The following SPIDR variants were observed in gnomAD, a reference collection of about 807,000 sequenced individuals.
SPIDR encodes the protein DNA repair-scaffolding protein.
A neutral mutation model predicts 104.6 loss-of-function variants in SPIDR; 93 were observed. The ratio of observed to expected loss-of-function variants is 0.89; its 90% CI spans 0.75 to 1.06. The LOEUF (loss-of-function observed/expected upper bound fraction) is 1.06, where lower values mean the gene tolerates loss of function less well. Ranked by LOEUF, SPIDR falls within the 50% of genes least tolerant of loss-of-function variation. The pLI, the probability that SPIDR is intolerant of heterozygous loss-of-function variation, is 0.00. For synonymous variants in SPIDR, 431 were observed against 416.9 expected (o/e 1.03, Z -0.41); for missense variants, 1,154 against 1,111.2 (o/e 1.04, Z -0.55).
rs557232867 is a variant in SPIDR at position 47,412,093 on chromosome 8, C to T, written c.877+4132C>T. Among the ~76,000 whole-genome samples the T allele has an allele frequency of 5.9e-5, 9 of 152,234 alleles. No homozygotes were observed. In the South Asian group the frequency reaches 1.5e-3, roughly 25 times the overall value. ...TAGTTTGAAGTCAGGTAGTGTGATG[C>T]CTCCAGCTTTGTTCTTTTGGCTTAG... On this transcript the variant is annotated intron_variant, in intron 7 of 19. Coordinates refer to ENST00000297423, the MANE Select transcript of SPIDR (RefSeq NM_001080394.4).
intron 8 of SPIDR, among the ~76,000 whole-genome samples, chr8:47,573,168 T>C (rs1448545939): frequency 6.6e-6 from 1 of 152,154 alleles, no homozygotes; most frequent in Admixed American, 6.5e-5. Flanking sequence ...AAGTTACGAG[T>C]GAAAAGTCCA....
At chr8:47,618,563 A>G (rs993460421) in intron 10 of SPIDR, among the ~76,000 whole-genome samples, 1 of 152,150 alleles carries the variant, frequency 6.6e-6, no homozygotes, top group Non-Finnish European at 1.5e-5. Context: ...GGAGATAAAC[A>G]ATTGTGTTAT....
chr8:47,560,754 A>T (rs918181397), intron 8 of SPIDR, among the ~76,000 whole-genome samples: 1 of 152,068 alleles, frequency 6.6e-6, no homozygotes, highest in Admixed American at 6.6e-5. Flanking sequence ...CTTCCTTTAT[A>T]TGGATCGTAG....
chr8:47,374,253 G>A (rs1023157799), intron 5 of SPIDR, among the ~76,000 whole-genome samples: 3 of 152,134 alleles, frequency 2.0e-5, no homozygotes, highest in African/African-American at 7.2e-5. Context: ...CAGGCATGGT[G>A]GCTCATGCCT....
chr8:47,531,754 A>G (rs1271434790), intron 8 of SPIDR, among the ~76,000 whole-genome samples: 1 of 152,228 alleles, frequency 6.6e-6, no homozygotes, highest in African/African-American at 2.4e-5. Flanking sequence ...CAACATTACT[A>G]GGCAGTAAGA....
At chr8:47,480,231 A>T (rs1181882261) in intron 8 of SPIDR, among the ~76,000 whole-genome samples, 1 of 152,202 alleles carries the variant, frequency 6.6e-6, no homozygotes, top group African/African-American at 2.4e-5. Flanking sequence ...GGCAAGATGG[A>T]TTTAATGTCT....
At chr8:47,580,915 T>C (rs1047946575) in intron 8 of SPIDR, among the ~76,000 whole-genome samples, 5 of 152,214 alleles carry the variant, frequency 3.3e-5, no homozygotes, top group African/African-American at 9.7e-5. Flanking sequence ...AGTTCAGTTT[T>C]TAGTTGTAGA....
intron 7 of SPIDR, among the ~76,000 whole-genome samples, chr8:47,408,963 A>C (rs896937554): frequency 9.2e-5 from 14 of 152,222 alleles, no homozygotes; most frequent in Non-Finnish European, 1.3e-4. Context: ...TGAGGCGGGC[A>C]GATCATGAGG....
chr8:47,319,120 A>T (rs2045990980), intron 5 of SPIDR, among the ~76,000 whole-genome samples: 2 of 152,204 alleles, frequency 1.3e-5, no homozygotes, highest in Non-Finnish European at 2.9e-5. Context: ...TAAATGGGCT[A>T]AATGCTCCAA....
Position 47,455,015 on chromosome 8 carries a change from C to G in SPIDR, c.1097+14473C>G, listed in dbSNP as rs533281960. On this transcript the variant is annotated intron_variant, in intron 8 of 19. Transcript: ENST00000297423. ...TCCTTCAGGCTGAAAGGAAGAAATA[C>G]TAAACAGCAATTTGAAGCCAAAAGA... Among the ~76,000 whole-genome samples, 20 of 152,056 alleles carry G rather than the reference C, an allele frequency of 1.3e-4. No individual in the cohort carries two copies. In the South Asian group the frequency reaches 2.5e-3, roughly 19 times the overall value.
chr8:47,313,604 A>C lies in SPIDR; in HGVS notation c.525+19574A>C, dbSNP rs186516243. 3.3e-3 allele frequency among the ~76,000 whole-genome samples: 498 copies of C among 152,342 alleles called. 1 individual carries two copies. The highest frequency in any genetic ancestry group is 5.5e-3 in the Non-Finnish European group (375 of 68,032). On this transcript the variant is annotated intron_variant, in intron 5 of 19. Coordinates refer to ENST00000297423, the MANE Select transcript of SPIDR (RefSeq NM_001080394.4). ...AACCAAAAAAGAGCCCGCATTGCCG[A>C]GTCAATCCTAAGCCAAAAGAACAAA...
chr8:47,717,625 C>T (rs951935481), intron 16 of SPIDR, among the ~76,000 whole-genome samples: 3 of 152,220 alleles, frequency 2.0e-5, no homozygotes, highest in East Asian at 1.9e-4. Context: ...CAGATGCAGC[C>T]TCATGTGACT....
At chr8:47,537,302 G>A (rs1439709286) in intron 8 of SPIDR, among the ~76,000 whole-genome samples, 1 of 152,126 alleles carries the variant, frequency 6.6e-6, no homozygotes, top group Non-Finnish European at 1.5e-5. Flanking sequence ...CAAAAACTTG[G>A]AAGTAACCGA....
At chr8:47,330,859 A>G (rs1278580999) in intron 5 of SPIDR, 6 of 455,760 alleles carry the variant, frequency 1.3e-5, no homozygotes, top group Non-Finnish European at 8.8e-6. Context: ...AACTCCTTTG[A>G]GTAGATACCA....
intron 10 of SPIDR, among the ~76,000 whole-genome samples, chr8:47,657,476 A>G (rs941631415): frequency 2.0e-5 from 3 of 152,176 alleles, no homozygotes. Flanking sequence ...GGAACTGTTC[A>G]GTATTTTGAC....
chr8:47,292,486 A>T (rs1268507802), intron 4 of SPIDR, among the ~76,000 whole-genome samples: 3 of 152,204 alleles, frequency 2.0e-5, no homozygotes, highest in Non-Finnish European at 4.4e-5. Context: ...AAAAATGGGT[A>T]AATAGTATGG....
chr8:47,640,082 A>G (rs950807408), intron 10 of SPIDR, among the ~76,000 whole-genome samples: 1 of 152,234 alleles, frequency 6.6e-6, no homozygotes, highest in African/African-American at 2.4e-5. Context: ...AGGGAACTGC[A>G]TGACCCCCAG....
intron 8 of SPIDR, among the ~76,000 whole-genome samples, chr8:47,541,903 C>G (rs890169973): frequency 6.6e-6 from 1 of 152,120 alleles, no homozygotes; most frequent in African/African-American, 2.4e-5. Context: ...TGCACTCCAG[C>G]TTGGGCGACA....
At chr8:47,614,734 C>T (rs1385380778) in intron 10 of SPIDR, among the ~76,000 whole-genome samples, 3 of 152,136 alleles carry the variant, frequency 2.0e-5, no homozygotes, top group Admixed American at 1.3e-4. Context: ...ATTGCTGAGT[C>T]AAATGGTATT....
Sources: gnomAD v4.1 joint callset for allele counts (sites outside exome capture counted in the v4.1 genomes callset) on GRCh38, gnomAD v4.1.1 for gene constraint, MANE v1.5 for transcripts, NCBI Gene and HGNC (gene_info 2026-07-23, HGNC 2026-07-21) for gene names.